The following PTPRT variants were observed in gnomAD, a reference collection of about 807,000 sequenced individuals.
The protein encoded by PTPRT is protein tyrosine phosphatase receptor type T.
Under a neutral mutation model 176.8 loss-of-function variants are expected in PTPRT, and 56 were observed. The ratio of observed to expected loss-of-function variants is 0.32; its 90% CI spans 0.26 to 0.40. The LOEUF (loss-of-function observed/expected upper bound fraction) is 0.40, where lower values mean the gene tolerates loss of function less well. PTPRT is among the 10% of genes least tolerant of loss of function. The probability of loss-of-function intolerance (pLI) is 1.00; values close to 1 mark genes in which losing one functional copy is unlikely to be tolerated. For missense variants in PTPRT, 1,540 were observed against 1,908.2 expected (o/e 0.81, Z 3.60); for synonymous variants, 783 against 739.0 (o/e 1.06, Z -0.96).
chr20:43,169,228 C>T (rs899462976), intron 1 of PTPRT, among the ~76,000 whole-genome samples: 1 of 152,228 alleles, frequency 6.6e-6, no homozygotes, highest in African/African-American at 2.4e-5. Flanking sequence ...AAAAGAGTCA[C>T]TGCGATTAGG....
At chr20:42,889,489 T>C (rs1486460239) in intron 1 of PTPRT, among the ~76,000 whole-genome samples, 1 of 152,232 alleles carries the variant, frequency 6.6e-6, no homozygotes, top group Non-Finnish European at 1.5e-5. Flanking sequence ...TCTGCCAGGA[T>C]TTGTCATCAC....
At chr20:42,511,709 T>C (rs1428867248) in intron 7 of PTPRT, among the ~76,000 whole-genome samples, 1 of 152,014 alleles carries the variant, frequency 6.6e-6, no homozygotes, top group Non-Finnish European at 1.5e-5. Flanking sequence ...TGGTACCAAA[T>C]GAGTAATAAC....
rs191538392 is a variant in PTPRT, at chr20:42,402,392, C to A, written c.1560+45828G>T. On this transcript the variant is annotated intron_variant, in intron 9 of 30. Transcript: ENST00000373187. Reference sequence around the variant, plus strand: ...TTGGGCCCAAGAGGCTGGAGGCGAGCATGCAACCAACACATTTGTGAAAAA... The same window carrying A: ...TTGGGCCCAAGAGGCTGGAGGCGAGAATGCAACCAACACATTTGTGAAAAA... 3.7e-3 allele frequency among the ~76,000 whole-genome samples: 547 copies of A among 148,576 alleles called. 1 individual carries two copies. Among genetic ancestry groups the A allele is most frequent in the Non-Finnish European group, 4.5e-3 (302 of 67,730 alleles).
intron 7 of PTPRT, among the ~76,000 whole-genome samples, chr20:42,674,729 G>GA (rs1160306423): frequency 6.6e-6 from 1 of 152,074 alleles, no homozygotes; most frequent in Non-Finnish European, 1.5e-5. Context: ...GGCCTGTTTT[G>GA]AAAATAATCA....
intron 6 of PTPRT, among the ~76,000 whole-genome samples, chr20:42,711,233 T>C (rs78608199): frequency 5.9e-5 from 9 of 152,308 alleles, no homozygotes; most frequent in Non-Finnish European, 1.2e-4. Context: ...GAATGTGTTT[T>C]GCATGTGAGA....
intron 7 of PTPRT, among the ~76,000 whole-genome samples, chr20:42,507,583 A>G (rs1482700641): frequency 6.6e-6 from 1 of 152,162 alleles, no homozygotes; most frequent in Non-Finnish European, 1.5e-5. Flanking sequence ...AATATAATAA[A>G]TCAGAACTAA....
At chr20:42,705,014 T>A (rs1454209759) in intron 6 of PTPRT, among the ~76,000 whole-genome samples, 1 of 152,054 alleles carries the variant, frequency 6.6e-6, no homozygotes, top group Middle Eastern at 3.2e-3. Flanking sequence ...GAGACCAGCC[T>A]GACCAACATG....
intron 5 of PTPRT, among the ~76,000 whole-genome samples, chr20:42,759,015 T>C (rs568218051): frequency 7.9e-5 from 12 of 152,240 alleles, no homozygotes; most frequent in African/African-American, 2.4e-4. Context: ...CCCAAAGTAG[T>C]GCAGGGAGAA....
At chr20:43,123,930 T>C (rs910314925) in intron 1 of PTPRT, among the ~76,000 whole-genome samples, 1 of 152,354 alleles carries the variant, frequency 6.6e-6, no homozygotes, top group African/African-American at 2.4e-5. Flanking sequence ...GAGACACAAA[T>C]ATTACCTTGT....
At chr20:42,204,263 C>T (rs1343394341) in intron 15 of PTPRT, among the ~76,000 whole-genome samples, 1 of 151,744 alleles carries the variant, frequency 6.6e-6, no homozygotes, top group African/African-American at 2.4e-5. Flanking sequence ...CCCCGCAGAG[C>T]CCACAAAATA....
intron 1 of PTPRT, among the ~76,000 whole-genome samples, chr20:42,912,413 C>A (rs557100470): frequency 1.3e-5 from 2 of 152,168 alleles, no homozygotes; most frequent in Non-Finnish European, 2.9e-5. Flanking sequence ...GACTATTTAT[C>A]CATTCTAATT....
chr20:42,761,736 G>T (rs969784438), intron 5 of PTPRT, among the ~76,000 whole-genome samples: 1 of 152,194 alleles, frequency 6.6e-6, no homozygotes, highest in Non-Finnish European at 1.5e-5. Flanking sequence ...GATTCAGAAG[G>T]CCTGTGATGG....
At chr20:42,183,347 C>A (rs989095802) in intron 16 of PTPRT, among the ~76,000 whole-genome samples, 1 of 152,222 alleles carries the variant, frequency 6.6e-6, no homozygotes, top group Middle Eastern at 3.4e-3. Flanking sequence ...TGGACAGAGA[C>A]GCTAACACCG....
chr20:42,968,931 G>A (rs1883536), intron 1 of PTPRT: 8,917 of 152,302 alleles, frequency 0.059, 448 homozygotes, highest in African/African-American at 0.13. Flanking sequence ...AGAGAAATGA[G>A]TGGTGTTGTG....
intron 15 of PTPRT, among the ~76,000 whole-genome samples, chr20:42,235,206 T>C (rs2056216823): frequency 6.6e-6 from 1 of 152,170 alleles, no homozygotes; most frequent in African/African-American, 2.4e-5. Flanking sequence ...TACAGAGTTG[T>C]TCTCCTTTAC....
chr20:42,333,403 C>A (rs2057994887), intron 11 of PTPRT, among the ~76,000 whole-genome samples: 1 of 150,376 alleles, frequency 6.6e-6, no homozygotes, highest in South Asian at 2.1e-4. Flanking sequence ...GTGATCTCGG[C>A]TCACTGTAAC....
At chr20:43,126,371 GA>G (rs35081809) in intron 1 of PTPRT, among the ~76,000 whole-genome samples, 1,954 of 147,276 alleles carry the variant, frequency 0.013, 16 homozygotes, top group African/African-American at 0.017. Context: ...AAAAAAGAAA[GA>G]AAAAAAAAAG....
intron 13 of PTPRT, among the ~76,000 whole-genome samples, chr20:42,249,671 G>A (rs542458086): frequency 1.3e-5 from 2 of 152,304 alleles, no homozygotes; most frequent in East Asian, 3.9e-4. Context: ...CAGGTTTCCT[G>A]ATTCCAATTT....
chr20:42,973,324 C>G (rs1384887932), intron 1 of PTPRT, among the ~76,000 whole-genome samples: 1 of 152,068 alleles, frequency 6.6e-6, no homozygotes, highest in Non-Finnish European at 1.5e-5. Flanking sequence ...AGCTCCTCCC[C>G]AAGTCTTCAT....
Sources: gnomAD v4.1 joint callset for allele counts (sites outside exome capture counted in the v4.1 genomes callset) on GRCh38, gnomAD v4.1.1 for gene constraint, MANE v1.5 for transcripts, NCBI Gene and HGNC (gene_info 2026-07-23, HGNC 2026-07-21) for gene names.